The following FAAH2 variants were observed in gnomAD, a reference collection of about 807,000 sequenced individuals.
FAAH2 encodes fatty acid amide hydrolase 2.
In FAAH2, 60 loss-of-function variants were observed where a neutral mutation model predicts 36.9. The observed-to-expected ratio is 1.63, with a 90% CI of 1.32 to 2.02. The LOEUF (loss-of-function observed/expected upper bound fraction) is 2.02. Ranked by LOEUF, FAAH2 falls within the 30% of genes most tolerant of loss-of-function variation. The pLI, the probability that FAAH2 is intolerant of heterozygous loss-of-function variation, is 0.00. For synonymous variants in FAAH2, 214 were observed against 143.8 expected (o/e 1.49, Z -3.49); for missense variants, 689 against 397.5 (o/e 1.73, Z -6.23).
chrX:57,321,469 T>A (rs1384180132), intron 3 of FAAH2, among the ~76,000 whole-genome samples: 1 of 109,950 alleles, frequency 9.1e-6, no homozygotes, highest in Non-Finnish European at 1.9e-5. Context: ...ACTTATAGTA[T>A]AATAATAATT....
chrX:57,398,002 T>A (rs2055345734), intron 7 of FAAH2, among the ~76,000 whole-genome samples: 1 of 111,242 alleles, frequency 9.0e-6, no homozygotes, highest in Non-Finnish European at 1.9e-5. Context: ...GTTTCCAGCT[T>A]TATCCATGTC....
At chrX:57,152,106 TG>T in the FAAH2 span, among the ~76,000 whole-genome samples, 1 of 111,961 alleles carries the variant, frequency 8.9e-6, no homozygotes, top group African/African-American at 3.2e-5. Context: ...CTGCAAATGC[TG>T]CTGCCTGATC....
chrX:57,410,124 C>A (rs891984741), intron 7 of FAAH2, among the ~76,000 whole-genome samples: 1 of 109,887 alleles, frequency 9.1e-6, no homozygotes, highest in Non-Finnish European at 1.9e-5. Context: ...TATTAGTTGA[C>A]CCATTTTTTT....
chrX:57,162,903 A>G, the FAAH2 span, among the ~76,000 whole-genome samples: 2 of 112,914 alleles, frequency 1.8e-5, no homozygotes, highest in Non-Finnish European at 3.7e-5. Flanking sequence ...CTTGCTGGTA[A>G]CGAACTGCGT....
intron 7 of FAAH2, among the ~76,000 whole-genome samples, chrX:57,420,930 A>G (rs2056004402): frequency 8.9e-6 from 1 of 112,059 alleles, no homozygotes; most frequent in Admixed American, 9.5e-5. Context: ...TTTAGCATGA[A>G]GGGTTGTTGA....
At chrX:57,276,070 G>A in the FAAH2 span, among the ~76,000 whole-genome samples, 1 of 111,536 alleles carries the variant, frequency 9.0e-6, no homozygotes, top group Admixed American at 9.6e-5. Context: ...GCACCCAGTG[G>A]ACCTAATAGA....
At chrX:57,305,618 T>C (rs755352095) in intron 2 of FAAH2, among the ~76,000 whole-genome samples, 7 of 111,907 alleles carry the variant, frequency 6.3e-5, no homozygotes, top group Non-Finnish European at 1.1e-4. Flanking sequence ...GCCCCTTTCC[T>C]GCTTTAAACA....
chrX:57,477,802 C>G (rs895287939), intron 10 of FAAH2, among the ~76,000 whole-genome samples: 2 of 111,088 alleles, frequency 1.8e-5, no homozygotes, highest in African/African-American at 6.5e-5. Context: ...ATCCGTGTCC[C>G]TACAAAGGAC....
At chrX:57,487,707 T>TTTGG (rs1477859135) in intron 10 of FAAH2, among the ~76,000 whole-genome samples, 2 of 112,054 alleles carry the variant, frequency 1.8e-5, no homozygotes, top group Admixed American at 9.5e-5. Context: ...TGGAAAACAA[T>TTTGG]TTGGCATTTT....
At chrX:57,408,777 A>G (rs1394422783) in intron 7 of FAAH2, among the ~76,000 whole-genome samples, 1 of 111,298 alleles carries the variant, frequency 9.0e-6, no homozygotes, top group Non-Finnish European at 1.9e-5. Flanking sequence ...CACAAAAATA[A>G]TGTTGAATCT....
At chrX:57,303,065 G>C (rs4826346) in intron 2 of FAAH2, among the ~76,000 whole-genome samples, 39,617 of 109,807 alleles carry the variant, frequency 0.36, 6,151 homozygotes, top group Middle Eastern at 0.61. Flanking sequence ...CAATGCTAAT[G>C]AAGGGGATTT....
intron 5 of FAAH2, among the ~76,000 whole-genome samples, chrX:57,367,597 C>T (rs937861299): frequency 1.8e-5 from 2 of 112,211 alleles, no homozygotes; most frequent in African/African-American, 6.5e-5. Context: ...TGCTAGAGCA[C>T]AGCAAAGGAG....
intron 8 of FAAH2, among the ~76,000 whole-genome samples, chrX:57,442,269 C>T (rs1232952167): frequency 9.0e-6 from 1 of 111,334 alleles, no homozygotes. Flanking sequence ...CCTCTAATGA[C>T]TTGCTTTATG....
chrX:57,447,094 T>C, intron 9 of FAAH2, 55 bp downstream of exon 9: 2 of 912,691 alleles, frequency 2.2e-6, no homozygotes, highest in Non-Finnish European at 3.0e-6. Flanking sequence ...TATTTCTTAA[T>C]ATCTAAATAT....
chrX:57,285,538 A>G (rs1386062386), upstream of FAAH2, among the ~76,000 whole-genome samples: 1 of 112,160 alleles, frequency 8.9e-6, no homozygotes, highest in African/African-American at 3.2e-5. Flanking sequence ...GTGCAGGGTT[A>G]CAAAAGAGTG....
At chrX:57,355,744 C>T (rs1418556126) in intron 5 of FAAH2, among the ~76,000 whole-genome samples, 1 of 110,991 alleles carries the variant, frequency 9.0e-6, no homozygotes, top group Non-Finnish European at 1.9e-5. Context: ...GAAATAACTT[C>T]ATGTGTTCCT....
chrX:57,357,770 A>T (rs144946496), intron 5 of FAAH2, among the ~76,000 whole-genome samples: 309 of 111,861 alleles, frequency 2.8e-3, no homozygotes, highest in African/African-American at 9.4e-3. Context: ...TTGTGAAGAC[A>T]GTGTGGTGAT....
intron 7 of FAAH2, among the ~76,000 whole-genome samples, chrX:57,382,632 G>C (rs938923740): frequency 1.8e-5 from 2 of 111,583 alleles, no homozygotes; most frequent in African/African-American, 6.5e-5. Context: ...CCAGGAAGAA[G>C]TTGAATCTCT....
At chrX:57,269,041 C>A in the FAAH2 span, among the ~76,000 whole-genome samples, 2 of 111,341 alleles carry the variant, frequency 1.8e-5, no homozygotes, top group Admixed American at 9.6e-5. Flanking sequence ...GGAGGAAAAT[C>A]TATCAAGAAA....
Sources: gnomAD v4.1 joint callset for allele counts (sites outside exome capture counted in the v4.1 genomes callset) on GRCh38, gnomAD v4.1.1 for gene constraint, MANE v1.5 for transcripts, NCBI Gene and HGNC (gene_info 2026-07-23, HGNC 2026-07-21) for gene names.